The following THOC1 variants were observed in gnomAD, a reference collection of about 807,000 sequenced individuals.
The protein encoded by THOC1 is THO complex 1.
A neutral mutation model predicts 97.3 loss-of-function variants in THOC1; 29 were observed. The observed-to-expected ratio is 0.30, with a 90% CI of 0.22 to 0.41. THOC1 has a LOEUF of 0.41. Among genes scored for constraint, THOC1 ranks in the 10% least tolerant of loss-of-function variants. The pLI is 1.00. For missense variants in THOC1, 529 were observed against 761.9 expected, an observed-to-expected ratio of 0.69 and a Z score of 3.60; for synonymous variants, 255 against 257.0, an observed-to-expected ratio of 0.99 and a Z score of 0.07.
At chr18:235,888 T>C (rs899309058) in intron 11 of THOC1, among the ~76,000 whole-genome samples, 5 of 152,214 alleles carry the variant, frequency 3.3e-5, no homozygotes, top group African/African-American at 1.2e-4. Context: ...ACTTAACTAA[T>C]CTTTAGTCAA....
chr18:238,053 T>C (rs956847697), intron 11 of THOC1, among the ~76,000 whole-genome samples: 2 of 151,990 alleles, frequency 1.3e-5, no homozygotes, highest in African/African-American at 4.8e-5. Context: ...TTTGTGGAGA[T>C]GGGGTTTCAC....
Position 225,323 on chromosome 18 carries a change from C to G in THOC1, c.1086+14G>C. 6.2e-7 allele frequency: 1 copy of G among 1,611,852 alleles called. No homozygotes were observed. Among genetic ancestry groups the G allele is most frequent in the Non-Finnish European group, 8.5e-7 (1 of 1,178,668 alleles). On this transcript the variant is annotated intron_variant, in intron 13 of 20. Transcript: ENST00000261600. The stretch of plus-strand genomic sequence containing the variant: ...CATTTTTTCAATCATGGGTTTGTTG[C>G]GTGTTGAACTTACTTGATAAACTGA...
intron 11 of THOC1, among the ~76,000 whole-genome samples, chr18:240,613 A>G (rs1357845899): frequency 6.6e-6 from 1 of 152,172 alleles, no homozygotes; most frequent in Non-Finnish European, 1.5e-5. Flanking sequence ...TAAGACTGAC[A>G]TGACTGTCAG....
intron 9 of THOC1, 89 bp downstream of exon 9, chr18:252,450 C>T: frequency 2.1e-6 from 2 of 972,034 alleles, no homozygotes; most frequent in South Asian, 1.4e-5. Context: ...TTTCTTTCCT[C>T]CTTGTCTATC....
chr18:248,171 T>C (rs1333011206), intron 9 of THOC1, among the ~76,000 whole-genome samples: 2 of 152,244 alleles, frequency 1.3e-5, no homozygotes, highest in Non-Finnish European at 2.9e-5. Flanking sequence ...GTGGAGCCCC[T>C]GAATTTTGGA....
chr18:219,944 T>G (rs980879683), intron 17 of THOC1, among the ~76,000 whole-genome samples: 1 of 152,222 alleles, frequency 6.6e-6, no homozygotes, highest in African/African-American at 2.4e-5. Flanking sequence ...TTCTTGAATT[T>G]GTTTTTAGAA....
At chr18:266,596 G>A (rs117826585) in intron 1 of THOC1, among the ~76,000 whole-genome samples, 2 of 143,628 alleles carry the variant, frequency 1.4e-5, no homozygotes, top group Non-Finnish European at 3.0e-5. Context: ...GTTGTGCACT[G>A]GCATGATCTT....
chr18:258,338 G>A (rs974528998), intron 7 of THOC1, among the ~76,000 whole-genome samples: 1 of 151,980 alleles, frequency 6.6e-6, no homozygotes, highest in African/African-American at 2.4e-5. Context: ...ACGATTTTTA[G>A]GCAAAACACA....
chr18:239,041 CTAT>C lies in THOC1; in HGVS notation c.918+7280_918+7282del, dbSNP rs199520051. On this transcript the variant is annotated intron_variant, in intron 11 of 20. Coordinates refer to ENST00000261600, the MANE Select transcript of THOC1 (RefSeq NM_005131.3). ...AACATTGGTTATTTTGTTGTTACCT[CTAT>C]TATTAACTCAGGATTATTTACACAT... Among the ~76,000 whole-genome samples, 373 of 152,278 alleles carry C rather than the reference CTAT, an allele frequency of 2.4e-3. 6 individuals carry two copies. The East Asian group carries it at 0.046, about 19-fold the overall frequency.
intron 1 of THOC1, among the ~76,000 whole-genome samples, 188 bp downstream of exon 1, chr18:267,778 A>T (rs1376203354): frequency 2.0e-5 from 3 of 152,088 alleles, no homozygotes; most frequent in Non-Finnish European, 4.4e-5. Context: ...CGGACGGCCC[A>T]GCCCACAAAG....
At chr18:251,005 AAAT>A (rs1333028676) in intron 9 of THOC1, among the ~76,000 whole-genome samples, 1 of 152,212 alleles carries the variant, frequency 6.6e-6, no homozygotes, top group Non-Finnish European at 1.5e-5. Flanking sequence ...CTCTAAAAAA[AAAT>A]AATAACGATA....
At chr18:240,827 T>A (rs1911870449) in intron 11 of THOC1, among the ~76,000 whole-genome samples, 1 of 152,154 alleles carries the variant, frequency 6.6e-6, no homozygotes, top group African/African-American at 2.4e-5. Context: ...CTCACCATAA[T>A]GTAGAATCAG....
Position 225,381 on chromosome 18 carries a change from CATCAGTT to C in THOC1, c.1035_1041del (p.Thr346SerfsTer31). The C allele has an allele frequency of 6.2e-7, 1 of 1,613,422 alleles. No homozygotes were observed. Reference sequence around the variant, plus strand: ...GTATCTTCAATCCAAAGTGATTGCTCATCAGTTAAAACATAGTTTGAACTAGGGAACA... The same window carrying C: ...GTATCTTCAATCCAAAGTGATTGCTCAAAACATAGTTTGAACTAGGGAACA... On this transcript the variant is annotated frameshift_variant, in exon 13 of 21. Transcript: ENST00000261600. LOFTEE classifies it high-confidence loss of function.
chr18:243,705 C>T (rs535372757), intron 11 of THOC1, among the ~76,000 whole-genome samples: 1 of 152,184 alleles, frequency 6.6e-6, no homozygotes, highest in East Asian at 1.9e-4. Flanking sequence ...CCTCTGCATT[C>T]TAAAAGTAGG....
At chr18:257,479 G>A (rs1912472253) in intron 7 of THOC1, among the ~76,000 whole-genome samples, 3 of 152,102 alleles carry the variant, frequency 2.0e-5, no homozygotes, top group Admixed American at 1.3e-4. Flanking sequence ...ATTTTTTGCT[G>A]CTGTTCATGT....
chr18:257,799 C>A (rs1043401228), intron 7 of THOC1, among the ~76,000 whole-genome samples: 1 of 151,074 alleles, frequency 6.6e-6, no homozygotes, highest in South Asian at 2.1e-4. Flanking sequence ...AAAAACAATT[C>A]TTAAGAAATT....
chr18:247,337 T>C (rs1912128075), intron 10 of THOC1, among the ~76,000 whole-genome samples: 1 of 152,208 alleles, frequency 6.6e-6, no homozygotes, highest in African/African-American at 2.4e-5. Context: ...ATTGGCAAAC[T>C]TTTTCTGTAA....
intron 20 of THOC1, among the ~76,000 whole-genome samples, 166 bp from the exon 21 acceptor site, chr18:215,087 A>C (rs1910825430): frequency 6.6e-6 from 1 of 152,226 alleles, no homozygotes; most frequent in African/African-American, 2.4e-5. Flanking sequence ...CTTAATAAGC[A>C]TGGTCAATAA....
chr18:264,306 A>G (rs1386635613), intron 3 of THOC1, among the ~76,000 whole-genome samples: 1 of 152,218 alleles, frequency 6.6e-6, no homozygotes, highest in African/African-American at 2.4e-5. Context: ...GTAACAGGCA[A>G]CTCACTCAAA....
Sources: gnomAD v4.1 joint callset for allele counts (sites outside exome capture counted in the v4.1 genomes callset) on GRCh38, gnomAD v4.1.1 for gene constraint, MANE v1.5 for transcripts, NCBI Gene and HGNC (gene_info 2026-07-23, HGNC 2026-07-21) for gene names.